KIF13A: variants seen among roughly 807,000 people sequenced by gnomAD.
KIF13A encodes the protein kinesin family member 13A.
KIF13A carries 79 observed loss-of-function variants against 212.2 expected under a neutral mutation model. The ratio of observed to expected loss-of-function variants is 0.37; its 90% CI spans 0.31 to 0.45. The LOEUF is 0.45. Among genes scored for constraint, KIF13A ranks in the 20% least tolerant of loss-of-function variants. KIF13A has a pLI of 1.00. For missense variants in KIF13A, 1,901 were observed against 2,209.0 expected, an observed-to-expected ratio of 0.86 and a Z score of 2.79; for synonymous variants, 789 against 808.6, an observed-to-expected ratio of 0.98 and a Z score of 0.41.
At position 17,947,210 on chromosome 6, in the gene KIF13A, G is replaced by A. The variant is rs562748423; in HGVS notation, c.146+39844C>T. ...TTTCACAGGTACAATGGGAAGGAGT[G>A]GAAATGGGAATAAGTGATATAAGAG... On this transcript the variant is annotated intron_variant, in intron 2 of 38. Transcript: ENST00000259711. The surrounding 1 kb of genome is among the most constrained non-coding windows in gnomAD (Gnocchi z 4.6). Among the ~76,000 whole-genome samples, 2 of 152,218 alleles carry A rather than the reference G, an allele frequency of 1.3e-5. No homozygotes were observed. Among genetic ancestry groups the A allele is most frequent in the South Asian group, 2.1e-4 (1 of 4,818 alleles).
At chr6:17,932,302 G>T (rs1031180827) in intron 2 of KIF13A, among the ~76,000 whole-genome samples, 1 of 152,142 alleles carries the variant, frequency 6.6e-6, no homozygotes, top group Admixed American at 6.5e-5. Flanking sequence ...TTGTATGCCC[G>T]AATGCCTTGT....
intron 38 of KIF13A, among the ~76,000 whole-genome samples, chr6:17,767,501 C>T (rs1044337464): frequency 1.3e-5 from 2 of 151,730 alleles, no homozygotes; most frequent in African/African-American, 2.4e-5. Flanking sequence ...GCGATCTGCC[C>T]GTCTCGGGCT....
In KIF13A at chr6:17,899,904, T is replaced by G. The variant is rs746065481; in HGVS notation, c.147-1724A>C. Among the ~76,000 whole-genome samples the G allele has an allele frequency of 6.6e-6, 1 of 152,214 alleles. No homozygotes were observed. Among genetic ancestry groups the G allele is most frequent in the Non-Finnish European group, 1.5e-5 (1 of 68,032 alleles). On this transcript the variant is annotated intron_variant, in intron 2 of 38. Transcript: ENST00000259711. This position sits in a 1 kb window ranked among gnomAD's most constrained non-coding sequence, Gnocchi z 5.2. ...TACAAAAAACTTGAGATTTCTGCCA[T>G]GAAAATTTCCTTAAGTGGAAGACAA...
chr6:17,887,607 C>T (rs1771661613), intron 3 of KIF13A, among the ~76,000 whole-genome samples: 1 of 152,176 alleles, frequency 6.6e-6, no homozygotes, highest in African/African-American at 2.4e-5. Context: ...ACACGATCTT[C>T]CTTTCATGTA....
downstream of KIF13A, among the ~76,000 whole-genome samples, chr6:17,761,408 A>G (rs1758580396): frequency 6.6e-6 from 1 of 151,330 alleles, no homozygotes; most frequent in African/African-American, 2.4e-5. Flanking sequence ...TTGAGACAAG[A>G]GTTTAGCTCC....
rs1302833991 is a variant in KIF13A, at chr6:17,856,229, G to A, written c.221-107C>T. On this transcript the variant is annotated intron_variant, in intron 4 of 38. Coordinates refer to ENST00000259711, the MANE Select transcript of KIF13A (RefSeq NM_022113.6). The surrounding 1 kb of genome is among the most constrained non-coding windows in gnomAD (Gnocchi z 4.5). ...AATTCAAAAAAATGTTAAAAGTGTA[G>A]TACCGAGTGCCCACTAAGTACAGGG... 1 of 747,574 alleles carries A rather than the reference G, an allele frequency of 1.3e-6. No individual in the cohort carries two copies. Among genetic ancestry groups the A allele is most frequent in the East Asian group, 2.7e-5 (1 of 36,566 alleles). The allele number at this position is 747,574 out of a possible 1,614,324, so 46.3% of individuals were successfully genotyped here.
Position 17,963,009 on chromosome 6 carries a change from A to C in KIF13A, c.146+24045T>G, listed in dbSNP as rs1229442887. On this transcript the variant is annotated intron_variant, in intron 2 of 38. Coordinates refer to ENST00000259711, the MANE Select transcript of KIF13A (RefSeq NM_022113.6). The surrounding 1 kb of genome is among the most constrained non-coding windows in gnomAD (Gnocchi z 4.1). Reference sequence around the variant, plus strand: ...TACACTGTAAACTCAAAGTGCATAAAGATAATTGTTTATCCTATATGATTA... The same window carrying C: ...TACACTGTAAACTCAAAGTGCATAACGATAATTGTTTATCCTATATGATTA... Among the ~76,000 whole-genome samples the C allele has an allele frequency of 6.6e-6, 1 of 152,218 alleles. No homozygotes were observed. The highest frequency in any genetic ancestry group is 1.5e-5 in the Non-Finnish European group (1 of 68,036).
Position 17,771,940 on chromosome 6 carries a change from C to A in KIF13A, c.4444G>T (p.Ala1482Ser). 6.2e-7 allele frequency: 1 copy of A among 1,614,006 alleles called. No individual in the cohort carries two copies. Among genetic ancestry groups the A allele is most frequent in the Non-Finnish European group, 8.5e-7 (1 of 1,179,884 alleles). The change falls in exon 37 of 39, where the codon GCC becomes TCC. Residue 1482 changes from alanine (A) to serine (S), a missense_variant. Ala to Ser is a moderately conservative substitution (Grantham distance 99, BLOSUM62 1). Around this residue, in one of 5 missense-constraint regions of KIF13A, gnomAD observed 687 missense variants for 759.1 expected, o/e 0.90. Transcript: ENST00000259711. The surrounding 1 kb of genome is among the most constrained non-coding windows in gnomAD (Gnocchi z 5.4). ...CTTAGAAGAGGCCTTGCTTCCAGGG[C>A]TATCCTTTTCTTATGCTCCTCTTTT... ...PVKEEHKKRI[A>S]LEARPLLSQE...
rs747226546 is a variant in KIF13A at position 17,897,634 on chromosome 6, G to A, written c.159+534C>T. ...GTGATGGGCTAGGAACTCCAATGAGGCATATAAAGTTGGTAGAATGTTGAA... is the reference window on the plus strand; with the variant it reads ...GTGATGGGCTAGGAACTCCAATGAGACATATAAAGTTGGTAGAATGTTGAA... On this transcript the variant is annotated intron_variant, in intron 3 of 38. Coordinates refer to ENST00000259711, the MANE Select transcript of KIF13A (RefSeq NM_022113.6). This position sits in a 1 kb window ranked among gnomAD's most constrained non-coding sequence, Gnocchi z 4.8. 4.6e-5 allele frequency among the ~76,000 whole-genome samples: 7 copies of A among 152,168 alleles called. No homozygotes were observed. Among genetic ancestry groups the A allele is most frequent in the Non-Finnish European group, 8.8e-5 (6 of 68,026 alleles).
intron 31 of KIF13A, among the ~76,000 whole-genome samples, chr6:17,779,885 C>T (rs1356586857): frequency 2.0e-5 from 3 of 151,578 alleles, no homozygotes; most frequent in Non-Finnish European, 2.9e-5. Flanking sequence ...GGACTACAGG[C>T]GCCTGCCACC....
intron 9 of KIF13A, among the ~76,000 whole-genome samples, chr6:17,841,090 TTTTTTC>T (rs1766456807): frequency 1.5e-5 from 2 of 134,814 alleles, no homozygotes; most frequent in Non-Finnish European, 3.3e-5. Context: ...TTTTTTTTTT[TTTTTTC>T]CAAAGACAGG....
At chr6:17,807,810 A>G (rs991683196) in intron 18 of KIF13A, among the ~76,000 whole-genome samples, 2 of 152,204 alleles carry the variant, frequency 1.3e-5, no homozygotes, top group Non-Finnish European at 2.9e-5. Flanking sequence ...CCGGCGGCCC[A>G]GCTGTAAAAT....
intron 9 of KIF13A, among the ~76,000 whole-genome samples, chr6:17,848,233 C>A (rs1767266701): frequency 6.6e-6 from 1 of 152,128 alleles, no homozygotes; most frequent in Non-Finnish European, 1.5e-5. Flanking sequence ...TCACCTCAAA[C>A]ACTTATCATT....
chr6:17,770,951 G>T, intron 38 of KIF13A, 163 bp downstream of exon 38: 2 of 582,052 alleles, frequency 3.4e-6, no homozygotes, highest in Non-Finnish European at 5.9e-6. Context: ...GTAGGTCATG[G>T]CCACATCCAT....
intron 2 of KIF13A, among the ~76,000 whole-genome samples, chr6:17,901,715 A>G (rs956549310): frequency 3.3e-5 from 5 of 152,252 alleles, no homozygotes; most frequent in Admixed American, 6.5e-5. Flanking sequence ...TATCTGCACA[A>G]ATAAATTATT....
At chr6:17,765,595 G>C (rs752658794) in intron 38 of KIF13A, among the ~76,000 whole-genome samples, 1 of 152,176 alleles carries the variant, frequency 6.6e-6, no homozygotes, top group Non-Finnish European at 1.5e-5. Context: ...AGTATGAGTA[G>C]AGGGTTTGGC....
In KIF13A at chr6:17,908,701, A is replaced by T. The variant is rs181288809; in HGVS notation, c.147-10521T>A. Among the ~76,000 whole-genome samples the T allele has an allele frequency of 4.3e-4, 65 of 152,198 alleles. No individual in the cohort carries two copies. In the South Asian group the frequency reaches 7.1e-3, roughly 17 times the overall value. On this transcript the variant is annotated intron_variant, in intron 2 of 38. Transcript: ENST00000259711. ...AAAAAAAAAAACCCTGTTTCTTTTT[A>T]AAAAATTACCAGTTAATCTATTTTC...
At chr6:17,817,720 T>A (rs1376686299) in intron 16 of KIF13A, among the ~76,000 whole-genome samples, 7 of 152,240 alleles carry the variant, frequency 4.6e-5, no homozygotes, top group Non-Finnish European at 7.3e-5. Context: ...ACTATTGAAT[T>A]TCTCTAAGTG....
At chr6:17,775,109 T>A in intron 34 of KIF13A, 47 bp from the exon 35 acceptor site, 1 of 1,468,804 alleles carries the variant, frequency 6.8e-7, no homozygotes, top group Non-Finnish European at 9.3e-7. Context: ...ATATTTAATA[T>A]AAGGGGTTTT....
Sources: allele counts gnomAD v4.1 joint callset (sites outside exome capture counted in the v4.1 genomes callset), GRCh38; gene constraint gnomAD v4.1.1; regional missense constraint gnomAD v4.1.1; non-coding constraint Gnocchi (gnomAD v3.1); transcripts MANE v1.5; gene names NCBI Gene and HGNC (gene_info 2026-07-23, HGNC 2026-07-21).